PPP1R9A: variants seen among roughly 807,000 people sequenced by gnomAD.
The protein encoded by PPP1R9A is neurabin-1.
In PPP1R9A, 59 loss-of-function variants were observed where a neutral mutation model predicts 141.9. The ratio of observed to expected loss-of-function variants is 0.42; its 90% confidence interval spans 0.34 to 0.52. The LOEUF is 0.52. Among genes scored for constraint, PPP1R9A ranks in the 20% least tolerant of loss-of-function variants. The probability of loss-of-function intolerance (pLI) is 0.10; values close to 1 mark genes in which losing one functional copy is unlikely to be tolerated. For synonymous variants in PPP1R9A, 500 were observed against 569.7 expected, an observed-to-expected ratio of 0.88 and a Z score of 1.74; for missense variants, 1,444 against 1,611.9, an observed-to-expected ratio of 0.90 and a Z score of 1.78.
At chr7:94,952,919 C>T (rs536054049) in intron 2 of PPP1R9A, among the ~76,000 whole-genome samples, 21 of 152,284 alleles carry the variant, frequency 1.4e-4, no homozygotes, top group Non-Finnish European at 2.4e-4. Flanking sequence ...CCTGTTCACT[C>T]TGGTGATAGT....
intron 2 of PPP1R9A, among the ~76,000 whole-genome samples, chr7:95,042,199 T>G (rs535201277): frequency 7.2e-5 from 11 of 152,234 alleles, no homozygotes; most frequent in African/African-American, 2.4e-4. Flanking sequence ...CCAAAAATAT[T>G]CCGTTTTCCA....
At chr7:95,071,303 A>AGT (rs1378130965) in intron 2 of PPP1R9A, among the ~76,000 whole-genome samples, 1 of 152,026 alleles carries the variant, frequency 6.6e-6, no homozygotes, top group African/African-American at 2.4e-5. Context: ...ATGGGACAGA[A>AGT]GTATTTGTAA....
intron 12 of PPP1R9A, among the ~76,000 whole-genome samples, chr7:95,267,767 TC>T (rs1801529090): frequency 6.6e-6 from 1 of 152,104 alleles, no homozygotes; most frequent in Non-Finnish European, 1.5e-5. Flanking sequence ...GAGAAGGTAT[TC>T]ACAGAGATGA....
In PPP1R9A at chr7:95,268,723, C is replaced by T. The variant is rs749581745; in HGVS notation, c.2823+16C>T. The T allele has an allele frequency of 6.2e-6, 10 of 1,609,618 alleles. No homozygotes were observed. Among genetic ancestry groups the T allele is most frequent in the African/African-American group, 4.0e-5 (3 of 74,704 alleles). ...AGAGAGAAAGGTGAGCACCCTTGAC[C>T]GTTTCCTGATTTGTACTGTTGGAGT... On this transcript the variant is annotated intron_variant, in intron 13 of 19. Transcript: ENST00000433360.
intron 5 of PPP1R9A, among the ~76,000 whole-genome samples, chr7:95,180,989 G>T (rs1469267313): frequency 6.7e-6 from 1 of 150,150 alleles, no homozygotes. Flanking sequence ...CCTAAAAGTA[G>T]AACTACCATG....
chr7:94,930,772 C>T (rs939298862), intron 2 of PPP1R9A, among the ~76,000 whole-genome samples: 5 of 152,092 alleles, frequency 3.3e-5, no homozygotes, highest in African/African-American at 1.2e-4. Context: ...TACAGAGATA[C>T]AAAGATAGAG....
chr7:95,227,708 G>A (rs1795341746), intron 8 of PPP1R9A, among the ~76,000 whole-genome samples: 1 of 152,114 alleles, frequency 6.6e-6, no homozygotes, highest in Non-Finnish European at 1.5e-5. Flanking sequence ...TGACCCTGGT[G>A]TAGACTGCTG....
chr7:95,091,545 T>C (rs912927096), intron 2 of PPP1R9A, among the ~76,000 whole-genome samples: 1 of 151,762 alleles, frequency 6.6e-6, no homozygotes, highest in Non-Finnish European at 1.5e-5. Context: ...GGTTTTGCTA[T>C]GTTGGCTAGG....
intron 2 of PPP1R9A, among the ~76,000 whole-genome samples, chr7:95,021,937 T>G (rs1487914641): frequency 1.3e-5 from 2 of 152,186 alleles, no homozygotes; most frequent in Non-Finnish European, 2.9e-5. Context: ...TGCTTAGGAT[T>G]GTCTTGGCTA....
At chr7:95,274,673 G>A (rs2153058110) in intron 16 of PPP1R9A, among the ~76,000 whole-genome samples, 1 of 152,240 alleles carries the variant, frequency 6.6e-6, no homozygotes, top group Non-Finnish European at 1.5e-5. Flanking sequence ...ACTATGCTTA[G>A]TCTTCAGTAA....
intron 16 of PPP1R9A, among the ~76,000 whole-genome samples, chr7:95,280,895 G>T (rs1298996242): frequency 6.6e-6 from 1 of 152,140 alleles, no homozygotes. Context: ...ATTCCTAATG[G>T]ATTTCTCCAC....
At chr7:95,260,953 T>C (rs917041643) in intron 12 of PPP1R9A, among the ~76,000 whole-genome samples, 1 of 152,210 alleles carries the variant, frequency 6.6e-6, no homozygotes, top group African/African-American at 2.4e-5. Context: ...TGATTCACCA[T>C]GATATATACA....
intron 5 of PPP1R9A, among the ~76,000 whole-genome samples, chr7:95,174,243 C>G (rs964238966): frequency 4.6e-5 from 7 of 152,052 alleles, no homozygotes; most frequent in African/African-American, 1.7e-4. Flanking sequence ...AACCATTATA[C>G]TGAGTAAAAG....
chr7:94,962,646 A>G (rs1339701277), intron 2 of PPP1R9A, among the ~76,000 whole-genome samples: 2 of 152,104 alleles, frequency 1.3e-5, no homozygotes, highest in Non-Finnish European at 2.9e-5. Context: ...ATTCAGATAA[A>G]TAGCTAGCAA....
At chr7:95,223,318 A>G (rs547415398) in intron 7 of PPP1R9A, among the ~76,000 whole-genome samples, 1 of 152,134 alleles carries the variant, frequency 6.6e-6, no homozygotes, top group Admixed American at 6.6e-5. Flanking sequence ...TTTCATAATG[A>G]AAGTGTATAT....
chr7:95,165,182 T>G (rs1831057254), intron 5 of PPP1R9A, among the ~76,000 whole-genome samples: 1 of 152,230 alleles, frequency 6.6e-6, no homozygotes, highest in Non-Finnish European at 1.5e-5. Flanking sequence ...CTCCACCTGG[T>G]TATTGACTTT....
intron 2 of PPP1R9A, among the ~76,000 whole-genome samples, chr7:95,023,162 T>C (rs1265838148): frequency 6.6e-6 from 1 of 152,194 alleles, no homozygotes; most frequent in Non-Finnish European, 1.5e-5. Flanking sequence ...TAGAACTTGT[T>C]ATTGGTCTAT....
At chr7:95,073,499 T>TAGA (rs1301040003) in intron 2 of PPP1R9A, among the ~76,000 whole-genome samples, 19 of 152,132 alleles carry the variant, frequency 1.2e-4, no homozygotes, top group African/African-American at 4.3e-4. Context: ...ATAACACATT[T>TAGA]GCAGCTACCT....
At chr7:94,945,211 A>T (rs1795769607) in intron 2 of PPP1R9A, among the ~76,000 whole-genome samples, 1 of 152,110 alleles carries the variant, frequency 6.6e-6, no homozygotes, top group Non-Finnish European at 1.5e-5. Flanking sequence ...GAATAATCTC[A>T]TATAAGTTGC....
Sources: allele counts gnomAD v4.1 joint callset (sites outside exome capture counted in the v4.1 genomes callset), GRCh38; gene constraint gnomAD v4.1.1; transcripts MANE v1.5; gene names NCBI Gene and HGNC (gene_info 2026-07-23, HGNC 2026-07-21).